FSTL5: variants seen among roughly 807,000 people sequenced by gnomAD.
FSTL5 encodes follistatin-related protein 5.
In FSTL5, 62 loss-of-function variants were observed where a neutral mutation model predicts 89.1. The ratio of observed to expected loss-of-function variants is 0.70; its 90% CI spans 0.57 to 0.86. The LOEUF (loss-of-function observed/expected upper bound fraction) is 0.86, where lower values mean the gene tolerates loss of function less well. Among genes scored for constraint, FSTL5 ranks in the 40% least tolerant of loss-of-function variants. The probability of loss-of-function intolerance (pLI) is 0.00; values close to 1 mark genes in which losing one functional copy is unlikely to be tolerated. For synonymous variants in FSTL5, 383 were observed against 346.2 expected (o/e 1.11, Z -1.18); for missense variants, 1,057 against 1,001.6 (o/e 1.06, Z -0.75).
chr4:161,609,759 C>T lies in FSTL5; in HGVS notation c.895-22184G>A, dbSNP rs181009605. Among the ~76,000 whole-genome samples the T allele has an allele frequency of 1.2e-4, 19 of 152,150 alleles. No individual in the cohort carries two copies. In the East Asian group the frequency reaches 3.7e-3, roughly 29 times the overall value. On this transcript the variant is annotated intron_variant, in intron 7 of 15. Transcript: ENST00000306100. ...CATACTTGTATCATTCTTTTTGTCCCAAAAGTCCCTTTAGGGCAGTGCAAA... is the reference window on the plus strand; with the variant it reads ...CATACTTGTATCATTCTTTTTGTCCTAAAAGTCCCTTTAGGGCAGTGCAAA...
intron 7 of FSTL5, among the ~76,000 whole-genome samples, chr4:161,592,868 A>G (rs1733876245): frequency 6.6e-6 from 1 of 152,186 alleles, no homozygotes; most frequent in Non-Finnish European, 1.5e-5. Context: ...ACAATGGTTG[A>G]ACTAATTTAC....
intron 3 of FSTL5, among the ~76,000 whole-genome samples, chr4:161,983,176 C>G (rs1262953667): frequency 1.3e-5 from 2 of 152,152 alleles, no homozygotes; most frequent in African/African-American, 2.4e-5. Flanking sequence ...ATATGTCATT[C>G]ACATCAATTA....
chr4:161,920,069 C>G (rs1357872786), intron 4 of FSTL5, among the ~76,000 whole-genome samples: 1 of 152,186 alleles, frequency 6.6e-6, no homozygotes, highest in East Asian at 1.9e-4. Flanking sequence ...CAATTCCACT[C>G]CAGGTGCTTT....
At chr4:161,542,104 C>T (rs373007509) in intron 9 of FSTL5, among the ~76,000 whole-genome samples, 2 of 151,900 alleles carry the variant, frequency 1.3e-5, no homozygotes. Context: ...CCTTCATTTA[C>T]AAAATATGCT....
intron 4 of FSTL5, among the ~76,000 whole-genome samples, chr4:161,788,411 C>G (rs1270503943): frequency 6.6e-6 from 1 of 152,142 alleles, no homozygotes; most frequent in Non-Finnish European, 1.5e-5. Context: ...CCCTCCCTTC[C>G]AAGCCTAATG....
At chr4:161,815,288 C>G (rs571128475) in intron 4 of FSTL5, among the ~76,000 whole-genome samples, 1 of 151,918 alleles carries the variant, frequency 6.6e-6, no homozygotes, top group African/African-American at 2.4e-5. Context: ...ATATTGTTTA[C>G]AATATTATGT....
intron 3 of FSTL5, among the ~76,000 whole-genome samples, chr4:161,962,040 ATGT>A (rs1430876678): frequency 7.2e-5 from 11 of 152,044 alleles, no homozygotes; most frequent in African/African-American, 2.4e-4. Flanking sequence ...ATATCACATA[ATGT>A]TGTATAACTA....
At chr4:162,057,265 T>A (rs1162734889) in intron 2 of FSTL5, among the ~76,000 whole-genome samples, 1 of 152,190 alleles carries the variant, frequency 6.6e-6, no homozygotes, top group Non-Finnish European at 1.5e-5. Flanking sequence ...GCTCATTCCT[T>A]TTTAATCTAG....
chr4:161,618,765 G>A (rs1560981852), intron 7 of FSTL5, among the ~76,000 whole-genome samples: 1 of 152,040 alleles, frequency 6.6e-6, no homozygotes, highest in Non-Finnish European at 1.5e-5. Context: ...TGTTCATCAA[G>A]GATATTGGTC....
intron 1 of FSTL5, among the ~76,000 whole-genome samples, chr4:162,147,050 G>C (rs1213786112): frequency 6.6e-6 from 1 of 152,064 alleles, no homozygotes; most frequent in Non-Finnish European, 1.5e-5. Flanking sequence ...CCAAAGCACT[G>C]AGATTACAAG....
intron 3 of FSTL5, among the ~76,000 whole-genome samples, chr4:161,954,850 T>C (rs1008666527): frequency 6.6e-6 from 1 of 151,658 alleles, no homozygotes; most frequent in Non-Finnish European, 1.5e-5. Flanking sequence ...AAGATGGTCA[T>C]AATAAATTCA....
chr4:162,019,875 T>C lies in FSTL5; in HGVS notation c.160+13750A>G, dbSNP rs1272621369. Among the ~76,000 whole-genome samples, 5 of 149,918 alleles carry C rather than the reference T, an allele frequency of 3.3e-5. No homozygotes were observed. In the South Asian group the frequency reaches 1.0e-3, roughly 31 times the overall value. On this transcript the variant is annotated intron_variant, in intron 3 of 15. Transcript: ENST00000306100. ...ACATATAGAAGTATATATAAATATA[T>C]ATGCATTTATTTTTATAATATTTTT...
At chr4:161,860,111 AC>A (rs1255456468) in intron 4 of FSTL5, among the ~76,000 whole-genome samples, 1 of 151,974 alleles carries the variant, frequency 6.6e-6, no homozygotes, top group East Asian at 1.9e-4. Flanking sequence ...GCGCAGTGAA[AC>A]CCCGTCTCTA....
intron 2 of FSTL5, among the ~76,000 whole-genome samples, chr4:162,037,508 A>G (rs1737789163): frequency 6.6e-6 from 1 of 151,900 alleles, no homozygotes; most frequent in Non-Finnish European, 1.5e-5. Context: ...TTTTGTCGTC[A>G]TAAATTTGTA....
intron 6 of FSTL5, among the ~76,000 whole-genome samples, chr4:161,721,648 C>T (rs1375220939): frequency 6.6e-6 from 1 of 152,182 alleles, no homozygotes; most frequent in East Asian, 1.9e-4. Flanking sequence ...TTCATTCTTT[C>T]CTTGTAATGC....
chr4:161,720,480 T>C (rs1739159214), intron 6 of FSTL5, among the ~76,000 whole-genome samples: 1 of 152,130 alleles, frequency 6.6e-6, no homozygotes, highest in Admixed American at 6.6e-5. Flanking sequence ...AAAATAGATC[T>C]ACTACATGAT....
intron 2 of FSTL5, among the ~76,000 whole-genome samples, chr4:162,045,660 C>G (rs1738142678): frequency 6.6e-6 from 1 of 152,194 alleles, no homozygotes; most frequent in South Asian, 2.1e-4. Flanking sequence ...ATGACACCGA[C>G]AGACTTGCTT....
chr4:161,719,471 G>A (rs1268924213), intron 6 of FSTL5, among the ~76,000 whole-genome samples: 1 of 151,988 alleles, frequency 6.6e-6, no homozygotes, highest in Non-Finnish European at 1.5e-5. Context: ...AGTTGCTTTG[G>A]CTATTTAGGA....
chr4:161,787,456 A>G (rs925928871), intron 4 of FSTL5, among the ~76,000 whole-genome samples: 7 of 152,130 alleles, frequency 4.6e-5, no homozygotes, highest in African/African-American at 1.7e-4. Context: ...ATAAGGAGTA[A>G]TATTCCACAG....
Sources: allele counts gnomAD v4.1 joint callset (sites outside exome capture counted in the v4.1 genomes callset), GRCh38; gene constraint gnomAD v4.1.1; transcripts MANE v1.5; gene names NCBI Gene and HGNC (gene_info 2026-07-23, HGNC 2026-07-21).